AK8: variants seen among roughly 807,000 people sequenced by gnomAD.
AK8 encodes ATP-AMP transphosphorylase 8.
A neutral mutation model predicts 54.6 loss-of-function variants in AK8; 44 were observed. That is an observed-to-expected ratio of 0.81 (90% confidence interval 0.63 to 1.04). The LOEUF (loss-of-function observed/expected upper bound fraction) is 1.04, where lower values mean the gene tolerates loss of function less well. Among genes scored for constraint, AK8 ranks in the 50% least tolerant of loss-of-function variants. The pLI, the probability that AK8 is intolerant of heterozygous loss-of-function variation, is 0.00. For missense variants in AK8, 555 were observed against 613.6 expected (o/e 0.90, Z 1.01); for synonymous variants, 239 against 245.6 (o/e 0.97, Z 0.25).
intron 3 of AK8, among the ~76,000 whole-genome samples, chr9:132,864,087 T>C (rs1163500104): frequency 6.6e-6 from 1 of 152,104 alleles, no homozygotes; most frequent in Non-Finnish European, 1.5e-5. Flanking sequence ...ATGAGTTTCA[T>C]CTCAAGGAAG....
At chr9:132,818,009 T>C (rs1448454819) in intron 9 of AK8, among the ~76,000 whole-genome samples, 6 of 152,038 alleles carry the variant, frequency 3.9e-5, no homozygotes, top group African/African-American at 1.5e-4. Flanking sequence ...ATGGTAAAAA[T>C]AACCTCTGAG....
chr9:132,815,169 A>T (rs993659859), intron 9 of AK8, among the ~76,000 whole-genome samples: 1 of 152,184 alleles, frequency 6.6e-6, no homozygotes, highest in African/African-American at 2.4e-5. Flanking sequence ...TACACAGCAG[A>T]GGGGGTGCAG....
At chr9:132,736,629 C>G (rs1056888340) in intron 11 of AK8, among the ~76,000 whole-genome samples, 1 of 151,262 alleles carries the variant, frequency 6.6e-6, no homozygotes, top group African/African-American at 2.4e-5. Context: ...ACTAAAAATA[C>G]AAAACATTAG....
chr9:132,830,277 C>G (rs550804163), intron 5 of AK8, among the ~76,000 whole-genome samples: 2 of 152,184 alleles, frequency 1.3e-5, no homozygotes, highest in Non-Finnish European at 2.9e-5. Flanking sequence ...ATATGCATCT[C>G]GATGCCTATC....
At chr9:132,738,576 A>G (rs1413067045) in intron 11 of AK8, among the ~76,000 whole-genome samples, 1 of 152,112 alleles carries the variant, frequency 6.6e-6, no homozygotes, top group Admixed American at 6.6e-5. Context: ...TTGCTGCTCT[A>G]ATGAAACTAT....
chr9:132,762,660 T>G (rs1438621264), intron 11 of AK8, among the ~76,000 whole-genome samples: 2 of 151,984 alleles, frequency 1.3e-5, no homozygotes, highest in East Asian at 3.9e-4. Flanking sequence ...TCCCAGCACT[T>G]TGGGAGGCTG....
intron 2 of AK8, among the ~76,000 whole-genome samples, chr9:132,870,064 G>A (rs933970226): frequency 6.6e-6 from 1 of 152,274 alleles, no homozygotes; most frequent in Admixed American, 6.5e-5. Context: ...GATGCAGCTC[G>A]GCAAGGGCCT....
chr9:132,762,206 T>C (rs1279504618), intron 11 of AK8, among the ~76,000 whole-genome samples: 1 of 152,058 alleles, frequency 6.6e-6, no homozygotes, highest in Non-Finnish European at 1.5e-5. Context: ...TTGCTAGAGA[T>C]TTGTCGGTTT....
intron 5 of AK8, among the ~76,000 whole-genome samples, chr9:132,847,588 A>G (rs546970127): frequency 2.6e-5 from 4 of 152,230 alleles, no homozygotes; most frequent in Admixed American, 6.5e-5. Flanking sequence ...GTCCTGGGCA[A>G]CTAAGGTACA....
chr9:132,862,341 T>C (rs540587090), intron 4 of AK8, among the ~76,000 whole-genome samples: 9 of 151,990 alleles, frequency 5.9e-5, no homozygotes, highest in African/African-American at 1.9e-4. Flanking sequence ...TTTTTTTTTT[T>C]TGTTAACACA....
intron 11 of AK8, among the ~76,000 whole-genome samples, chr9:132,773,065 C>A (rs935060440): frequency 2.6e-5 from 4 of 152,184 alleles, no homozygotes; most frequent in African/African-American, 9.7e-5. Context: ...CCACATCACT[C>A]CAAGGAAAAG....
At chr9:132,871,856 C>T (rs1843851999) in intron 2 of AK8, among the ~76,000 whole-genome samples, 1 of 152,222 alleles carries the variant, frequency 6.6e-6, no homozygotes, top group African/African-American at 2.4e-5. Context: ...CCATCCAAAC[C>T]AGAAAGATGA....
Position 132,828,633 on chromosome 9 carries a change from G to A in AK8, c.484+12C>T, listed in dbSNP as rs781446290. ...AGCTCTGGCAGGTGGGGGACCCTTGGGAGCTACTCACTGACGTGTCTGGGT... is the reference window on the plus strand; with the variant it reads ...AGCTCTGGCAGGTGGGGGACCCTTGAGAGCTACTCACTGACGTGTCTGGGT... On this transcript the variant is annotated intron_variant, in intron 6 of 12. Coordinates refer to ENST00000298545, the MANE Select transcript of AK8 (RefSeq NM_152572.3). 1.2e-6 allele frequency: 2 copies of A among 1,608,764 alleles called. No individual in the cohort carries two copies. Among genetic ancestry groups the A allele is most frequent in the Non-Finnish European group, 1.7e-6 (2 of 1,177,844 alleles).
chr9:132,821,611 T>A (rs1841612312), intron 9 of AK8, among the ~76,000 whole-genome samples: 1 of 151,966 alleles, frequency 6.6e-6, no homozygotes, highest in South Asian at 2.1e-4. Context: ...TTTAGAATTG[T>A]AAGCTGGAGG....
chr9:132,800,427 G>C (rs1022321923), intron 10 of AK8, among the ~76,000 whole-genome samples: 4 of 152,206 alleles, frequency 2.6e-5, no homozygotes, highest in African/African-American at 9.6e-5. Flanking sequence ...GAGAAACTGG[G>C]ATTGTTCCAT....
chr9:132,752,989 G>T (rs1485966324), intron 11 of AK8, among the ~76,000 whole-genome samples: 1 of 152,152 alleles, frequency 6.6e-6, no homozygotes, highest in African/African-American at 2.4e-5. Flanking sequence ...TGGCCCCAGC[G>T]TCTGGAACGG....
intron 11 of AK8, among the ~76,000 whole-genome samples, chr9:132,757,018 T>C (rs1416677806): frequency 2.0e-5 from 3 of 152,222 alleles, no homozygotes; most frequent in Admixed American, 6.5e-5. Context: ...GAGCACTCTA[T>C]ATCAGTTGTG....
chr9:132,792,819 C>G (rs1442282586), intron 10 of AK8, 44 bp from the exon 11 acceptor site: 3 of 1,536,248 alleles, frequency 2.0e-6, no homozygotes, highest in Admixed American at 4.0e-5. Flanking sequence ...GGCCGGCAGC[C>G]CATGGGTCCT....
chr9:132,823,385 G>A (rs1841736875), intron 8 of AK8, 49 bp from the exon 9 acceptor site: 4 of 1,610,450 alleles, frequency 2.5e-6, no homozygotes, highest in Non-Finnish European at 3.4e-6. Context: ...TAGAGAACAG[G>A]AAACCCGCTT....
Sources: allele counts gnomAD v4.1 joint callset (sites outside exome capture counted in the v4.1 genomes callset), GRCh38; gene constraint gnomAD v4.1.1; transcripts MANE v1.5; gene names NCBI Gene and HGNC (gene_info 2026-07-23, HGNC 2026-07-21).